Variants in CLMP observed in about 807,000 individuals in gnomAD.
CLMP encodes the protein CXADR-like membrane protein.
In CLMP, 27 loss-of-function variants were observed where a neutral mutation model predicts 45.2. The observed-to-expected ratio is 0.60, with a 90% CI of 0.44 to 0.82. The LOEUF (loss-of-function observed/expected upper bound fraction) is 0.82. Among genes scored for constraint, CLMP ranks in the 40% least tolerant of loss-of-function variants. CLMP has a pLI of 0.00. For missense variants in CLMP, 403 were observed against 448.4 expected (o/e 0.90, Z 0.91); for synonymous variants, 167 against 171.4 (o/e 0.97, Z 0.20).
rs961188788 is a variant in CLMP, at chr11:123,149,217, G to C, written c.28+45696C>G. Among the ~76,000 whole-genome samples the C allele has an allele frequency of 3.3e-5, 5 of 152,160 alleles. No individual in the cohort carries two copies. In the South Asian group the frequency reaches 1.0e-3, roughly 32 times the overall value. Reference sequence around the variant, plus strand: ...AAGTGTTTACAGAATCTAGGAAGAGGCAGGAAAGAATTCTTCCCTAGAGCC... The same window carrying C: ...AAGTGTTTACAGAATCTAGGAAGAGCCAGGAAAGAATTCTTCCCTAGAGCC... On this transcript the variant is annotated intron_variant, in intron 1 of 6. Transcript: ENST00000448775.
intron 6 of CLMP, among the ~76,000 whole-genome samples, chr11:123,074,380 C>T (rs1234391691): frequency 6.6e-6 from 1 of 151,952 alleles, no homozygotes; most frequent in Non-Finnish European, 1.5e-5. Flanking sequence ...TGGAGTCTAA[C>T]TATGTTGACA....
intron 1 of CLMP, among the ~76,000 whole-genome samples, chr11:123,178,269 C>T (rs920534330): frequency 2.0e-5 from 3 of 152,180 alleles, no homozygotes; most frequent in Non-Finnish European, 4.4e-5. Flanking sequence ...GATTAGACTC[C>T]CCTGAAGAGC....
At chr11:123,119,006 TC>T in intron 1 of CLMP, among the ~76,000 whole-genome samples, 1 of 31,580 alleles carries the variant, frequency 3.2e-5, no homozygotes, top group Non-Finnish European at 5.8e-5. Context: ...TCTTTCTCTC[TC>T]TCTCTCTCTC....
At position 123,074,173 on chromosome 11, in the gene CLMP, CT is replaced by C. The variant is rs113482011; in HGVS notation, c.822-400del. Among the ~76,000 whole-genome samples the C allele has an allele frequency of 9.3e-3, 1,220 of 130,638 alleles. 3 individuals are homozygous for C. Among genetic ancestry groups the C allele is most frequent in the African/African-American group, 0.019 (647 of 34,204 alleles). The allele number at this position is 130,638 out of a possible 152,430, so 85.7% of individuals were successfully genotyped here. A position where few individuals can be genotyped will look rare whatever the true frequency, so the allele number is the denominator to read the frequency against. ...TTTTATGTATATACATATGTACATA[CT>C]TTTTTTTTTTTTTTTTTTGAGACAT... On this transcript the variant is annotated intron_variant, in intron 6 of 6. Coordinates refer to ENST00000448775, the MANE Select transcript of CLMP (RefSeq NM_024769.5).
At chr11:123,128,731 A>G (rs540921851) in intron 1 of CLMP, among the ~76,000 whole-genome samples, 3 of 152,334 alleles carry the variant, frequency 2.0e-5, no homozygotes, top group East Asian at 1.9e-4. Flanking sequence ...TATCTGTCAA[A>G]CAACTAATTT....
intron 1 of CLMP, among the ~76,000 whole-genome samples, chr11:123,155,431 G>C (rs143653219): frequency 2.6e-5 from 4 of 152,344 alleles, no homozygotes; most frequent in Non-Finnish European, 5.9e-5. Context: ...GGGAGGGAAA[G>C]AGTGTTTACC....
intron 1 of CLMP, among the ~76,000 whole-genome samples, chr11:123,129,807 T>C (rs1384841141): frequency 6.6e-6 from 1 of 151,146 alleles, no homozygotes; most frequent in Non-Finnish European, 1.5e-5. Context: ...TGCAAGTTAA[T>C]GGCAAAGTTG....
chr11:123,174,310 T>C (rs1157855806), intron 1 of CLMP, among the ~76,000 whole-genome samples: 2 of 152,134 alleles, frequency 1.3e-5, no homozygotes, highest in African/African-American at 4.8e-5. Context: ...AAGTGTTCTG[T>C]TTCATACTAT....
At chr11:123,090,677 G>A (rs1371268765) in intron 2 of CLMP, among the ~76,000 whole-genome samples, 1 of 152,072 alleles carries the variant, frequency 6.6e-6, no homozygotes, top group Non-Finnish European at 1.5e-5. Context: ...GTTCAAGAAG[G>A]CCCCTAAGGT....
At chr11:123,181,999 T>C (rs1301057430) in intron 1 of CLMP, among the ~76,000 whole-genome samples, 2 of 152,350 alleles carry the variant, frequency 1.3e-5, no homozygotes, top group African/African-American at 4.8e-5. Context: ...TGGGTTATGC[T>C]TCTTTTAGTT....
At chr11:123,183,881 T>C (rs1470410716) in intron 1 of CLMP, among the ~76,000 whole-genome samples, 1 of 152,032 alleles carries the variant, frequency 6.6e-6, no homozygotes, top group African/African-American at 2.4e-5. Flanking sequence ...CTCCTGGTCA[T>C]GTGGGGCAGT....
At chr11:123,133,284 C>G (rs1037953871) in intron 1 of CLMP, among the ~76,000 whole-genome samples, 1 of 152,084 alleles carries the variant, frequency 6.6e-6, no homozygotes, top group Admixed American at 6.5e-5. Flanking sequence ...TCTGGGTCCT[C>G]CTTTTGACTA....
intron 1 of CLMP, among the ~76,000 whole-genome samples, chr11:123,130,631 C>T (rs1337740947): frequency 6.6e-6 from 1 of 152,114 alleles, no homozygotes; most frequent in East Asian, 1.9e-4. Flanking sequence ...TTCCTGCCTC[C>T]TGCACATGCC....
chr11:123,134,906 CA>C (rs1861048448), intron 1 of CLMP, among the ~76,000 whole-genome samples: 2 of 151,898 alleles, frequency 1.3e-5, no homozygotes, highest in Admixed American at 1.3e-4. Context: ...GTCATAAATC[CA>C]AGAGCAGCAA....
At position 123,122,676 on chromosome 11, in the gene CLMP, A is replaced by C. The variant is rs183523793; in HGVS notation, c.29-24724T>G. ...GGAAAAAGGTAGCAGAGAAACGTGA[A>C]AGCAAGTTTCATCAGGAATGAGGAA... On this transcript the variant is annotated intron_variant, in intron 1 of 6. Coordinates refer to ENST00000448775, the MANE Select transcript of CLMP (RefSeq NM_024769.5). Among the ~76,000 whole-genome samples the C allele has an allele frequency of 9.8e-5, 15 of 152,318 alleles. No homozygotes were observed. The East Asian group carries it at 2.7e-3, about 27-fold the overall frequency.
intron 5 of CLMP, among the ~76,000 whole-genome samples, chr11:123,078,629 GT>G (rs1355836378): frequency 7.1e-6 from 1 of 141,572 alleles, no homozygotes; most frequent in Admixed American, 7.1e-5. Context: ...GTTTTTTTGT[GT>G]TTTTTTTGGT....
chr11:123,142,551 G>A (rs1861175486), intron 1 of CLMP, among the ~76,000 whole-genome samples: 2 of 151,936 alleles, frequency 1.3e-5, no homozygotes, highest in South Asian at 4.2e-4. Context: ...AGAGAAGGGG[G>A]AACTTAGGAG....
At chr11:123,144,195 T>C (rs1199242224) in intron 1 of CLMP, among the ~76,000 whole-genome samples, 1 of 152,186 alleles carries the variant, frequency 6.6e-6, no homozygotes, top group Non-Finnish European at 1.5e-5. Flanking sequence ...ATAGTGTGTG[T>C]AGTTTTAAGC....
In CLMP at chr11:123,150,475, G is replaced by GAA. The variant is rs879276665; in HGVS notation, c.28+44436_28+44437dup. Reference sequence around the variant, plus strand: ...AGAAAGAAAGAAAGAAAGAAAGAAAGAAAGAAAGGAAGGAAGGAAGGAAGG... The same window carrying GAA: ...AGAAAGAAAGAAAGAAAGAAAGAAAGAAAAAGAAAGGAAGGAAGGAAGGAAGG... On this transcript the variant is annotated intron_variant, in intron 1 of 6. Coordinates refer to ENST00000448775, the MANE Select transcript of CLMP (RefSeq NM_024769.5). Among the ~76,000 whole-genome samples the GAA allele has an allele frequency of 1.9e-3, 198 of 104,116 alleles. 1 individual carries two copies. The highest frequency in any genetic ancestry group is 4.7e-3 in the Middle Eastern group (1 of 212). 68.3% of individuals were successfully genotyped at this position (104,116 alleles called of 152,430 possible).
Sources: allele counts gnomAD v4.1 joint callset (sites outside exome capture counted in the v4.1 genomes callset), GRCh38; gene constraint gnomAD v4.1.1; transcripts MANE v1.5; gene names NCBI Gene and HGNC (gene_info 2026-07-23, HGNC 2026-07-21).